MDFIC2: variants seen among roughly 807,000 people sequenced by gnomAD.
MDFIC2 encodes MyoD family inhibitor domain containing 2, also known as myoD family inhibitor domain-containing protein 2.
chr3:70,309,580 T>C (rs766517224), intron 2 of MDFIC2, among the ~76,000 whole-genome samples: 6 of 152,162 alleles, frequency 3.9e-5, no homozygotes, highest in Non-Finnish European at 8.8e-5. Flanking sequence ...TGAGCTGAGA[T>C]TTAGAAACCA....
At chr3:70,231,486 C>A (rs1701559832) in intron 2 of MDFIC2, among the ~76,000 whole-genome samples, 2 of 152,166 alleles carry the variant, frequency 1.3e-5, no homozygotes, top group African/African-American at 4.8e-5. Flanking sequence ...ACACGTGCCG[C>A]GTACTCTTCA....
intron 2 of MDFIC2, among the ~76,000 whole-genome samples, chr3:70,311,319 T>C (rs1300355918): frequency 1.3e-5 from 2 of 152,190 alleles, no homozygotes; most frequent in Non-Finnish European, 2.9e-5. Context: ...ATCACAGGTT[T>C]AGCTGTATTT....
intron 3 of MDFIC2, among the ~76,000 whole-genome samples, chr3:70,197,567 A>T (rs891847324): frequency 6.6e-6 from 1 of 152,194 alleles, no homozygotes; most frequent in African/African-American, 2.4e-5. Flanking sequence ...GGGGCTTAAG[A>T]AGCAGTTAGG....
intron 2 of MDFIC2, among the ~76,000 whole-genome samples, chr3:70,259,436 A>T (rs1392005075): frequency 6.6e-6 from 1 of 151,966 alleles, no homozygotes; most frequent in Non-Finnish European, 1.5e-5. Flanking sequence ...AAAGAAAGAA[A>T]GTAAGCACCA....
At position 70,196,529 on chromosome 3, in the gene MDFIC2, T is replaced by C. The variant is rs1261620130; in HGVS notation, c.*397A>G. On this transcript the variant is annotated 3_prime_UTR_variant, in exon 4 of 4. Transcript: ENST00000567252. ...AGTCCATTAGAAAGACGAGCTAATG[T>C]ATGTCAATTCTAAAAGAATGCACTA... Among the ~76,000 whole-genome samples the C allele has an allele frequency of 1.3e-5, 2 of 152,220 alleles. No individual in the cohort carries two copies. Among genetic ancestry groups the C allele is most frequent in the African/African-American group, 4.8e-5 (2 of 41,468 alleles).
rs1701186225 is a variant in MDFIC2 at position 70,196,818 on chromosome 3, A to G, written c.*108T>C. 2 of 397,382 alleles carry G rather than the reference A, an allele frequency of 5.0e-6. No individual in the cohort carries two copies. Among genetic ancestry groups the G allele is most frequent in the East Asian group, 7.1e-5 (2 of 28,056 alleles). The allele number at this position is 397,382 out of a possible 1,614,324, so 24.6% of individuals were successfully genotyped here. A position where few individuals can be genotyped will look rare whatever the true frequency, so the allele number is the denominator to read the frequency against. ...CAGAATAAAATGGCCTATAGCATCC[A>G]AGAAATGTGTACAGTCCTTACATTT... On this transcript the variant is annotated 3_prime_UTR_variant, in exon 4 of 4. Coordinates refer to ENST00000567252, the MANE Select transcript of MDFIC2 (RefSeq NM_001364677.1).
chr3:70,300,747 C>T (rs1199498432), intron 2 of MDFIC2, among the ~76,000 whole-genome samples: 1 of 151,998 alleles, frequency 6.6e-6, no homozygotes, highest in East Asian at 1.9e-4. Context: ...TTACAAAACC[C>T]ATACTTGGCT....
chr3:70,198,529 A>T (rs1259068917), intron 3 of MDFIC2, among the ~76,000 whole-genome samples: 4 of 152,236 alleles, frequency 2.6e-5, no homozygotes, highest in African/African-American at 9.6e-5. Context: ...TAAAAACACT[A>T]TATAAAGTTA....
At chr3:70,259,988 A>G (rs537565550) in intron 2 of MDFIC2, among the ~76,000 whole-genome samples, 2 of 152,280 alleles carry the variant, frequency 1.3e-5, no homozygotes, top group East Asian at 3.9e-4. Flanking sequence ...ACTCACTATC[A>G]CGAGAACAGC....
intron 2 of MDFIC2, among the ~76,000 whole-genome samples, chr3:70,229,296 T>A (rs1037638931): frequency 1.3e-5 from 2 of 152,198 alleles, no homozygotes; most frequent in African/African-American, 4.8e-5. Flanking sequence ...GGCAACCATG[T>A]CAGTGCCTAT....
At chr3:70,200,145 C>A (rs1252718176) in intron 3 of MDFIC2, among the ~76,000 whole-genome samples, 1 of 152,214 alleles carries the variant, frequency 6.6e-6, no homozygotes, top group Non-Finnish European at 1.5e-5. Flanking sequence ...TGCTCACCAC[C>A]TGCAGGGCCA....
intron 2 of MDFIC2, chr3:70,283,822 A>G (rs1185890674): frequency 6.6e-6 from 1 of 152,084 alleles, no homozygotes; most frequent in Non-Finnish European, 1.5e-5. Flanking sequence ...ATATGGCCAA[A>G]TGTTAACATC....
intron 3 of MDFIC2, among the ~76,000 whole-genome samples, chr3:70,197,641 G>A (rs913113525): frequency 2.6e-5 from 4 of 152,148 alleles, no homozygotes; most frequent in Non-Finnish European, 4.4e-5. Flanking sequence ...GTTATTTTTC[G>A]ACATGGATTC....
At chr3:70,224,983 A>G (rs532209770) in intron 2 of MDFIC2, among the ~76,000 whole-genome samples, 23 of 152,332 alleles carry the variant, frequency 1.5e-4, no homozygotes, top group Non-Finnish European at 4.4e-5. Flanking sequence ...GATTTTGGAT[A>G]GGTGACATGA....
chr3:70,269,592 CT>C (rs1701955663), intron 2 of MDFIC2, among the ~76,000 whole-genome samples: 1 of 152,130 alleles, frequency 6.6e-6, no homozygotes, highest in Non-Finnish European at 1.5e-5. Flanking sequence ...GGTTCAGGGG[CT>C]GCCCAGTTCT....
intron 2 of MDFIC2, among the ~76,000 whole-genome samples, chr3:70,237,977 A>ATATTTTTTTTTT (rs1251005797): frequency 2.3e-4 from 3 of 13,008 alleles, no homozygotes; most frequent in Non-Finnish European, 4.3e-4. Flanking sequence ...ATTGAGTGGT[A>ATATTTTTTTTTT]TCTTTTTTTT....
chr3:70,240,142 TAA>T (rs1412788632), intron 2 of MDFIC2, among the ~76,000 whole-genome samples: 1 of 152,066 alleles, frequency 6.6e-6, no homozygotes, highest in African/African-American at 2.4e-5. Context: ...ATTTTTAAAA[TAA>T]GAGACGTATT....
At chr3:70,211,813 C>T (rs1437291993) in intron 2 of MDFIC2, among the ~76,000 whole-genome samples, 3 of 146,844 alleles carry the variant, frequency 2.0e-5, no homozygotes, top group Admixed American at 1.4e-4. Context: ...CTTACCCTTC[C>T]CTTCCCTTCC....
intron 2 of MDFIC2, among the ~76,000 whole-genome samples, chr3:70,247,665 A>G (rs566736770): frequency 3.9e-5 from 6 of 151,908 alleles, no homozygotes; most frequent in African/African-American, 1.4e-4. Context: ...AACTATTTTT[A>G]TCCCAATCAT....
Sources: allele counts gnomAD v4.1 joint callset (sites outside exome capture counted in the v4.1 genomes callset), GRCh38; gene constraint gnomAD v4.1.1; transcripts MANE v1.5; gene names NCBI Gene and HGNC (gene_info 2026-07-23, HGNC 2026-07-21).